The following DDX31 variants were observed in gnomAD, a reference collection of about 807,000 sequenced individuals.
DDX31 encodes the protein ATP-dependent DNA helicase DDX31.
In DDX31, 70 loss-of-function variants were observed where a neutral mutation model predicts 91.3. The ratio of observed to expected loss-of-function variants is 0.77; its 90% CI spans 0.63 to 0.94. The LOEUF is 0.94. Ranked by LOEUF, DDX31 falls within the 40% of genes least tolerant of loss-of-function variation. DDX31 has a pLI of 0.00. For missense variants in DDX31, 902 were observed against 925.0 expected, an observed-to-expected ratio of 0.98 and a Z score of 0.32; for synonymous variants, 362 against 350.6, an observed-to-expected ratio of 1.03 and a Z score of -0.36.
Position 132,648,510 on chromosome 9 carries a change from C to T in DDX31, c.782G>A (p.Arg261His), listed in dbSNP as rs975245835. 7 of 1,613,548 alleles carry T rather than the reference C, an allele frequency of 4.3e-6. No individual in the cohort carries two copies. Among genetic ancestry groups the T allele is most frequent in the South Asian group, 1.1e-5 (1 of 90,942 alleles). The change falls in exon 10 of 20, where the codon CGC becomes CAC. Residue 261 changes from arginine to histidine, a missense_variant. Coordinates refer to ENST00000372159, the MANE Select transcript of DDX31 (RefSeq NM_022779.9). ...GINILISTPGRLVDHIKSTKN... is the reference protein window; with the variant it reads ...GINILISTPGHLVDHIKSTKN... ...TGTGGATTTTATATGATCCACCAGG[C>T]GTCCAGGAGTTGAGATAAGGATATT... is the stretch of plus-strand genomic sequence containing the variant.
At chr9:132,610,812 C>T (rs1201833544) in intron 19 of DDX31, among the ~76,000 whole-genome samples, 1 of 152,140 alleles carries the variant, frequency 6.6e-6, no homozygotes, top group African/African-American at 2.4e-5. Flanking sequence ...TTTCCTCCCC[C>T]TAGTGTAGTT....
rs557540913 is a variant in DDX31, at chr9:132,626,530, G to A, written c.1632-785C>T. On this transcript the variant is annotated intron_variant, in intron 16 of 19. Coordinates refer to ENST00000372159, the MANE Select transcript of DDX31 (RefSeq NM_022779.9). ...GCGTGTCAGAGATGAAGGAAGAAACGTGAGCTGCTGAAAGGATACTTCCCA... is the reference window on the plus strand; with the variant it reads ...GCGTGTCAGAGATGAAGGAAGAAACATGAGCTGCTGAAAGGATACTTCCCA... 1.4e-4 allele frequency among the ~76,000 whole-genome samples: 22 copies of A among 152,328 alleles called. No individual in the cohort carries two copies. The East Asian group carries it at 1.7e-3, about 12-fold the overall frequency.
intron 17 of DDX31, among the ~76,000 whole-genome samples, chr9:132,625,244 T>C (rs562265984): frequency 6.6e-6 from 1 of 152,300 alleles, no homozygotes; most frequent in East Asian, 1.9e-4. Flanking sequence ...AAAAAATGGA[T>C]GAACTAACTG....
chr9:132,603,135 C>T (rs893909391), intron 19 of DDX31, among the ~76,000 whole-genome samples: 1 of 152,206 alleles, frequency 6.6e-6, no homozygotes, highest in Admixed American at 6.5e-5. Flanking sequence ...AGAGAACACA[C>T]GTAAGCCCTC....
rs538353032 is a variant in DDX31, at chr9:132,653,211, T to C, written c.589-719A>G. On this transcript the variant is annotated intron_variant, in intron 6 of 19. Transcript: ENST00000372159. Reference sequence around the variant, plus strand: ...TGCAAAATTAACATATAAAAATCAATAGCCAGGTGCAGTGGCTCACGCCTG... The same window carrying C: ...TGCAAAATTAACATATAAAAATCAACAGCCAGGTGCAGTGGCTCACGCCTG... 2.0e-4 allele frequency among the ~76,000 whole-genome samples: 30 copies of C among 151,582 alleles called. No individual in the cohort carries two copies. The East Asian group carries it at 2.3e-3, about 12-fold the overall frequency.
intron 18 of DDX31, 22 bp downstream of exon 18, chr9:132,618,301 CTGCGCAA>C (rs1185446100): frequency 6.3e-7 from 1 of 1,591,058 alleles, no homozygotes; most frequent in Non-Finnish European, 8.6e-7. Flanking sequence ...GGGCTATCCA[CTGCGCAA>C]GCACCTAGGA....
At chr9:132,608,854 A>C (rs1831169667) in intron 19 of DDX31, among the ~76,000 whole-genome samples, 1 of 152,216 alleles carries the variant, frequency 6.6e-6, no homozygotes, top group African/African-American at 2.4e-5. Flanking sequence ...CTCAAAAAGC[A>C]GCAACTGGCA....
At position 132,662,629 on chromosome 9, in the gene DDX31, C is replaced by T. The variant is rs17402080; in HGVS notation, c.142G>A (p.Glu48Lys). 0.012 allele frequency: 19,836 copies of T among 1,614,190 alleles called. 183 individuals are homozygous for T. The highest frequency in any genetic ancestry group is 0.014 in the Non-Finnish European group (16,183 of 1,180,028). The change falls in exon 2 of 20, where the codon GAA (glutamate) becomes AAA (lysine). Residue 48 changes from glutamate (E) to lysine (K), a missense_variant. Glu to Lys is a moderately conservative substitution (Grantham distance 56, BLOSUM62 1). Coordinates refer to ENST00000372159, the MANE Select transcript of DDX31 (RefSeq NM_022779.9). ...SEAPPAKRRN[E>K]TSFLPAKKTS... The stretch of plus-strand genomic sequence containing the variant: ...TTCTTGGCTGGGAGAAATGAAGTTT[C>T]GTTCCTCCGTTTCGCTGGGGGAGCC...
intron 14 of DDX31, among the ~76,000 whole-genome samples, chr9:132,634,104 T>C (rs1832954443): frequency 6.6e-6 from 1 of 152,224 alleles, no homozygotes; most frequent in South Asian, 2.1e-4. Flanking sequence ...ACCAATACCA[T>C]GATAGAGGCT....
At chr9:132,600,946 T>TA (rs1830690279) in intron 19 of DDX31, among the ~76,000 whole-genome samples, 1 of 152,220 alleles carries the variant, frequency 6.6e-6, no homozygotes, top group African/African-American at 2.4e-5. Flanking sequence ...TACAGTGCGT[T>TA]AGAGAGCTCG....
intron 19 of DDX31, among the ~76,000 whole-genome samples, chr9:132,601,970 C>T (rs188492727): frequency 3.3e-5 from 5 of 152,218 alleles, no homozygotes; most frequent in South Asian, 2.1e-4. Flanking sequence ...ATTAACAGCA[C>T]GAAAAAGAGA....
In DDX31 at chr9:132,618,444, G is replaced by C. The variant is rs199921534; in HGVS notation, c.1714-3C>G. ...TGGGGGCCAACAGCATGGGATTTCT[G>C]AGAGGGCGACGGAAGGATTAAAGGA... On this transcript the variant is annotated splice_polypyrimidine_tract_variant and splice_region_variant and intron_variant, in intron 17 of 19. Transcript: ENST00000372159. The C allele has an allele frequency of 1.3e-3, 2,122 of 1,608,336 alleles. 2 individuals carry two copies. Among genetic ancestry groups the C allele is most frequent in the Non-Finnish European group, 1.7e-3 (2,046 of 1,177,408 alleles).
chr9:132,650,989 T>C, intron 8 of DDX31, 86 bp downstream of exon 8: 1 of 1,292,012 alleles, frequency 7.7e-7, no homozygotes, highest in South Asian at 1.3e-5. Context: ...TCTTATCTCT[T>C]TGAAAATAAA....
intron 19 of DDX31, among the ~76,000 whole-genome samples, chr9:132,606,494 G>A (rs12380648): frequency 0.31 from 46,491 of 152,120 alleles, 7,449 homozygotes; most frequent in Middle Eastern, 0.42. Flanking sequence ...GGGTACTCGC[G>A]ACAATGATGG....
rs374426128 is a variant in DDX31, at chr9:132,646,779, G to A, written c.1203+44C>T. ...CCAATGGCTTAACACAAGAAAGCAGGCCTTTCTTCCCTGAATCAAGTCGGC... is the reference window on the plus strand; with the variant it reads ...CCAATGGCTTAACACAAGAAAGCAGACCTTTCTTCCCTGAATCAAGTCGGC... On this transcript the variant is annotated intron_variant, in intron 12 of 19. Coordinates refer to ENST00000372159, the MANE Select transcript of DDX31 (RefSeq NM_022779.9). 52 of 1,577,456 alleles carry A rather than the reference G, an allele frequency of 3.3e-5. No individual in the cohort carries two copies. Among genetic ancestry groups the A allele is most frequent in the Non-Finnish European group, 3.5e-5 (40 of 1,148,496 alleles).
rs143264457 is a variant in DDX31 at position 132,599,486 on chromosome 9, C to T, written c.1995-4374G>A. Among the ~76,000 whole-genome samples, 1,461 of 152,284 alleles carry T rather than the reference C, an allele frequency of 9.6e-3. 12 individuals carry two copies. Among genetic ancestry groups the T allele is most frequent in the Middle Eastern group, 0.037 (11 of 294 alleles). On this transcript the variant is annotated intron_variant, in intron 19 of 19. Coordinates refer to ENST00000372159, the MANE Select transcript of DDX31 (RefSeq NM_022779.9). ...GTATCAGGGTTAACCTGAATGTAGG[C>T]TTATGGTTAATTTTTGAGCTTTTCC...
rs776590974 is a variant in DDX31 at position 132,593,474 on chromosome 9, G to A, written c.*1392C>T. The A allele has an allele frequency of 1.3e-5, 2 of 152,128 alleles. No individual in the cohort carries two copies. Among genetic ancestry groups the A allele is most frequent in the Non-Finnish European group, 1.5e-5 (1 of 68,026 alleles). 9.4% of individuals were successfully genotyped at this position (152,128 alleles called of 1,614,324 possible). ...AACGCCAGGCTGACATGTGCTGCAG[G>A]GTTGTTGTTTTTTAATTATTATTGT... is the stretch of plus-strand genomic sequence containing the variant. On this transcript the variant is annotated 3_prime_UTR_variant, in exon 20 of 20. Coordinates refer to ENST00000372159, the MANE Select transcript of DDX31 (RefSeq NM_022779.9).
intron 14 of DDX31, among the ~76,000 whole-genome samples, chr9:132,641,022 C>T (rs1300164701): frequency 6.6e-6 from 1 of 152,170 alleles, no homozygotes; most frequent in African/African-American, 2.4e-5. Flanking sequence ...GTTTGCCTCA[C>T]ACACGAGAAA....
rs80055532 is a variant in DDX31, at chr9:132,616,814, T to C, written c.1825+1516A>G. ...AGTCTAGAAGGATATACAATGGCAATTACGGGGACTTCATCTTTTACCTTG... is the reference window on the plus strand; with the variant it reads ...AGTCTAGAAGGATATACAATGGCAACTACGGGGACTTCATCTTTTACCTTG... On this transcript the variant is annotated intron_variant, in intron 18 of 19. Coordinates refer to ENST00000372159, the MANE Select transcript of DDX31 (RefSeq NM_022779.9). Among the ~76,000 whole-genome samples the C allele has an allele frequency of 5.8e-3, 877 of 152,344 alleles. 10 individuals are homozygous for C. Among genetic ancestry groups the C allele is most frequent in the African/African-American group, 0.02 (835 of 41,576 alleles).
Sources: allele counts gnomAD v4.1 joint callset (sites outside exome capture counted in the v4.1 genomes callset), GRCh38; gene constraint gnomAD v4.1.1; transcripts MANE v1.5; gene names NCBI Gene and HGNC (gene_info 2026-07-23, HGNC 2026-07-21).